The following CADM2 variants were observed in gnomAD, a reference collection of about 807,000 sequenced individuals.
The protein encoded by CADM2 is immunoglobulin superfamily member 4D.
In CADM2, 12 loss-of-function variants were observed where a neutral mutation model predicts 49.8. The ratio of observed to expected loss-of-function variants is 0.24; its 90% confidence interval spans 0.15 to 0.39. The LOEUF is 0.39. CADM2 is among the 10% of genes least tolerant of loss of function. CADM2 has a pLI of 1.00. For missense variants in CADM2, 378 were observed against 492.3 expected (o/e 0.77, Z 2.20); for synonymous variants, 214 against 175.4 (o/e 1.22, Z -1.74).
chr3:84,995,214 A>T (rs1420473546), intron 1 of CADM2, among the ~76,000 whole-genome samples: 3 of 152,164 alleles, frequency 2.0e-5, no homozygotes, highest in African/African-American at 4.8e-5. Context: ...GTGTTATGTT[A>T]TAGCGGACCT....
chr3:85,673,536 A>G (rs2065807417), intron 1 of CADM2, among the ~76,000 whole-genome samples: 1 of 151,354 alleles, frequency 6.6e-6, no homozygotes, highest in Admixed American at 6.6e-5. Context: ...ATAATCTTTT[A>G]TTTAAGGGGA....
At chr3:85,453,819 T>C (rs1363826345) in intron 1 of CADM2, among the ~76,000 whole-genome samples, 2 of 152,168 alleles carry the variant, frequency 1.3e-5, no homozygotes, top group Admixed American at 6.5e-5. Context: ...TAAAAACTAA[T>C]AGTCACAATT....
intron 1 of CADM2, among the ~76,000 whole-genome samples, chr3:85,503,083 A>T (rs55667839): frequency 0.51 from 78,201 of 151,946 alleles, 23,114 homozygotes; most frequent in East Asian, 0.85. Context: ...ACACATACTT[A>T]CATATACTCC....
intron 1 of CADM2, among the ~76,000 whole-genome samples, chr3:85,440,618 TA>T (rs2037155092): frequency 6.6e-6 from 1 of 152,158 alleles, no homozygotes; most frequent in East Asian, 1.9e-4. Context: ...CCTGTGATGA[TA>T]ATATAAGCAT....
intron 1 of CADM2, among the ~76,000 whole-genome samples, chr3:85,480,381 G>T (rs1391750357): frequency 6.6e-6 from 1 of 151,806 alleles, no homozygotes; most frequent in Non-Finnish European, 1.5e-5. Flanking sequence ...GATTATGTAG[G>T]TTTATGTTCA....
At chr3:86,066,334 A>AAAAAAAAAAAAAAAAAAAAAAAAC in intron 9 of CADM2, among the ~76,000 whole-genome samples, 1 of 142,488 alleles carries the variant, frequency 7.0e-6, no homozygotes, top group African/African-American at 2.7e-5. Context: ...CTCCGTCTCA[A>AAAAAAAAAAAAAAAAAAAAAAAAC]AAAAAAAAAA....
intron 8 of CADM2, among the ~76,000 whole-genome samples, chr3:86,007,836 C>T (rs1176117292): frequency 5.9e-5 from 9 of 152,112 alleles, no homozygotes; most frequent in Non-Finnish European, 2.9e-5. Flanking sequence ...TAATGAAAGG[C>T]CATGGCATTT....
At chr3:85,126,682 C>CAAA in intron 1 of CADM2, among the ~76,000 whole-genome samples, 1 of 151,960 alleles carries the variant, frequency 6.6e-6, no homozygotes, top group South Asian at 2.1e-4. Context: ...TTTAACTTTT[C>CAAA]CTTACATGTC....
At chr3:85,310,493 G>A (rs972696678) in intron 1 of CADM2, among the ~76,000 whole-genome samples, 13 of 152,080 alleles carry the variant, frequency 8.5e-5, no homozygotes, top group Admixed American at 7.9e-4. Flanking sequence ...TTTCCCTGCC[G>A]AATTCATCTC....
At position 85,658,880 on chromosome 3, in the gene CADM2, A is replaced by G. The variant is rs953066110; in HGVS notation, c.62-67642A>G. Among the ~76,000 whole-genome samples the G allele has an allele frequency of 1.1e-4, 17 of 149,878 alleles. 1 individual carries two copies. In the East Asian group the frequency reaches 3.4e-3, roughly 30 times the overall value. On this transcript the variant is annotated intron_variant, in intron 1 of 9. Coordinates refer to ENST00000383699, the MANE Select transcript of CADM2 (RefSeq NM_001167675.2). ...AGCCTGGGCAATGCAGTGAGACCCTATCTCTACAAAAACATAAAGCAATTA... is the reference window on the plus strand; with the variant it reads ...AGCCTGGGCAATGCAGTGAGACCCTGTCTCTACAAAAACATAAAGCAATTA...
At chr3:85,363,840 T>C (rs1049994877) in intron 1 of CADM2, among the ~76,000 whole-genome samples, 3 of 151,784 alleles carry the variant, frequency 2.0e-5, no homozygotes, top group Non-Finnish European at 4.4e-5. Context: ...CTCCATCTCC[T>C]GACCTCGTGA....
intron 1 of CADM2, among the ~76,000 whole-genome samples, chr3:85,666,899 G>A (rs1177371455): frequency 6.6e-6 from 1 of 151,952 alleles, no homozygotes; most frequent in African/African-American, 2.4e-5. Flanking sequence ...GGATGTCATA[G>A]TTTTCCAAGC....
intron 1 of CADM2, among the ~76,000 whole-genome samples, chr3:85,311,585 C>T (rs1985715): frequency 0.092 from 13,932 of 151,880 alleles, 1,305 homozygotes; most frequent in African/African-American, 0.24. Context: ...ACCGTGTTAG[C>T]CAGGATAGTC....
chr3:85,190,941 A>G (rs1475929048), intron 1 of CADM2, among the ~76,000 whole-genome samples: 1 of 152,164 alleles, frequency 6.6e-6, no homozygotes, highest in African/African-American at 2.4e-5. Context: ...ATCTTTAGAA[A>G]AGAATCAAAA....
At chr3:85,132,977 C>G (rs1415771623) in intron 1 of CADM2, among the ~76,000 whole-genome samples, 2 of 151,970 alleles carry the variant, frequency 1.3e-5, no homozygotes, top group African/African-American at 2.4e-5. Flanking sequence ...AGAGTTTCTT[C>G]CTTCTGGTGG....
intron 1 of CADM2, among the ~76,000 whole-genome samples, chr3:85,455,337 T>G (rs373801743): frequency 1.3e-4 from 20 of 152,358 alleles, no homozygotes; most frequent in African/African-American, 4.6e-4. Context: ...TCACATTTAT[T>G]ACCTTCATCT....
intron 8 of CADM2, chr3:86,013,042 T>C: frequency 8.9e-7 from 1 of 1,125,092 alleles, no homozygotes; most frequent in Non-Finnish European, 1.4e-6. Flanking sequence ...GAGACCTCTA[T>C]GATCTGTAGA....
At chr3:85,496,905 G>C (rs1311602822) in intron 1 of CADM2, among the ~76,000 whole-genome samples, 1 of 152,038 alleles carries the variant, frequency 6.6e-6, no homozygotes, top group African/African-American at 2.4e-5. Context: ...GTGCAATGGC[G>C]CCATCTCGGC....
At chr3:85,704,897 C>T (rs905538965) in intron 1 of CADM2, among the ~76,000 whole-genome samples, 8 of 149,466 alleles carry the variant, frequency 5.4e-5, no homozygotes, top group African/African-American at 2.0e-4. Flanking sequence ...CTCGCTCTGT[C>T]GTCCAGGCTG....
Sources: gnomAD v4.1 joint callset for allele counts (sites outside exome capture counted in the v4.1 genomes callset) on GRCh38, gnomAD v4.1.1 for gene constraint, MANE v1.5 for transcripts, NCBI Gene and HGNC (gene_info 2026-07-23, HGNC 2026-07-21) for gene names.